The following PPP1R36 variants were observed in gnomAD, a reference collection of about 807,000 sequenced individuals.
PPP1R36 encodes the protein chromosome 14 open reading frame 50.
In PPP1R36, 47 loss-of-function variants were observed where a neutral mutation model predicts 53.4. The ratio of observed to expected loss-of-function variants is 0.88; its 90% CI spans 0.70 to 1.12. The LOEUF (loss-of-function observed/expected upper bound fraction) is 1.12. PPP1R36 is among the 50% of genes most tolerant of loss of function. The probability of loss-of-function intolerance (pLI) is 0.00; values close to 1 mark genes in which losing one functional copy is unlikely to be tolerated. For missense variants in PPP1R36, 456 were observed against 513.9 expected, an observed-to-expected ratio of 0.89 and a Z score of 1.09; for synonymous variants, 153 against 170.5, an observed-to-expected ratio of 0.90 and a Z score of 0.80.
In PPP1R36 at chr14:64,588,151, G is replaced by A. The variant is rs138901715; in HGVS notation, c.938G>A (p.Arg313His). Residue 313 changes from arginine (R) to histidine (H), a missense_variant, in exon 11 of 12, where the codon CGT becomes CAT. Arg to His is a conservative substitution (Grantham distance 29). Coordinates refer to ENST00000298705, the MANE Select transcript of PPP1R36 (RefSeq NM_172365.3). Reference sequence around the variant, plus strand: ...GCAATTAAAAAAGCTATCAACATGCGTTCTCCAGTCATGTCTACTCTGCTG... The same window carrying A: ...GCAATTAAAAAAGCTATCAACATGCATTCTCCAGTCATGTCTACTCTGCTG... ...RPAIKKAINM[R>H]SPVMSTLLPS... is the part of the protein sequence containing the mutation. The A allele has an allele frequency of 3.9e-5, 63 of 1,611,952 alleles. No homozygotes were observed. The highest frequency in any genetic ancestry group is 1.9e-4 in the African/African-American group (14 of 74,816).
intron 2 of PPP1R36, chr14:64,551,647 G>C (rs1306939821): frequency 6.6e-6 from 3 of 456,212 alleles, no homozygotes; most frequent in Non-Finnish European, 1.3e-5. Flanking sequence ...AAGAAACAAG[G>C]CTCAGGGAGA....
intron 4 of PPP1R36, 106 bp from the exon 5 acceptor site, chr14:64,565,251 T>A (rs1348328527): frequency 1.4e-6 from 1 of 700,308 alleles, no homozygotes; most frequent in African/African-American, 1.8e-5. Flanking sequence ...TGTATGACAC[T>A]CAGGCTCTTA....
At position 64,550,013 on chromosome 14, in the gene PPP1R36, G is replaced by A; in HGVS notation, c.16G>A (p.Glu6Lys). 1.3e-6 allele frequency: 2 copies of A among 1,573,492 alleles called. No homozygotes were observed. The highest frequency in any genetic ancestry group is 2.3e-5 in the South Asian group (2 of 85,596). Residue 6 changes from glutamate (E) to lysine (K), a missense_variant, in exon 1 of 12, where the codon GAG becomes AAG. Transcript: ENST00000298705. ...GGGCGAGGCCATGTACCGGGTGCCC[G>A]AGTTTTATGCGAGGAGGAAGCGGTT... MYRVP[E>K]FYARRKRLGG...
At chr14:64,569,364 A>T (rs1450333808) in intron 7 of PPP1R36, among the ~76,000 whole-genome samples, 3 of 152,260 alleles carry the variant, frequency 2.0e-5, no homozygotes, top group Non-Finnish European at 4.4e-5. Flanking sequence ...TTCAAAATGC[A>T]AAACCCTGTA....
At chr14:64,550,262 A>G in intron 1 of PPP1R36, 196 bp downstream of exon 1, 1 of 1,379,674 alleles carries the variant, frequency 7.2e-7, no homozygotes, top group Non-Finnish European at 9.3e-7. Context: ...AGATGGTCAG[A>G]ATTGAATTCT....
At chr14:64,556,637 G>T (rs1476296024) in intron 3 of PPP1R36, among the ~76,000 whole-genome samples, 2 of 143,288 alleles carry the variant, frequency 1.4e-5, no homozygotes, top group Non-Finnish European at 3.0e-5. Flanking sequence ...AGCTGGGCCT[G>T]GTGGTATGCG....
rs762797533 is a variant in PPP1R36, at chr14:64,587,288, C to T, written c.806C>T (p.Thr269Ile). 2 of 1,613,456 alleles carry T rather than the reference C, an allele frequency of 1.2e-6. No individual in the cohort carries two copies. Among genetic ancestry groups the T allele is most frequent in the South Asian group, 1.1e-5 (1 of 91,046 alleles). ...GAAGAAGTAGGGAGACTCTTTCGTA[C>T]CAATATGTTCAACATTCCTCGCAGG... ...IEEEVGRLFR[T>I]NMFNIPRRRR... The change falls in exon 10 of 12, where the codon ACC becomes ATC. Residue 269 changes from threonine (T) to isoleucine (I), a missense_variant. By Grantham distance (89) the Thr-to-Ile change is moderately conservative. Coordinates refer to ENST00000298705, the MANE Select transcript of PPP1R36 (RefSeq NM_172365.3).
intron 8 of PPP1R36, among the ~76,000 whole-genome samples, chr14:64,575,638 G>A (rs1373326559): frequency 6.7e-6 from 1 of 148,530 alleles, no homozygotes; most frequent in Non-Finnish European, 1.5e-5. Context: ...CTCTATAAAG[G>A]TTAAGACATT....
At chr14:64,552,717 G>A in intron 2 of PPP1R36, 97 bp from the exon 3 acceptor site, 1 of 859,666 alleles carries the variant, frequency 1.2e-6, no homozygotes, top group Non-Finnish European at 1.9e-6. Context: ...CATTTTATTA[G>A]AGTCAAAATC....
intron 8 of PPP1R36, chr14:64,586,214 C>T (rs953252541): frequency 6.6e-6 from 1 of 152,254 alleles, no homozygotes; most frequent in Non-Finnish European, 1.5e-5. Flanking sequence ...CTCAAGTGAT[C>T]CACGCACCTC....
chr14:64,550,789 T>G, intron 1 of PPP1R36, 132 bp from the exon 2 acceptor site: 2 of 647,056 alleles, frequency 3.1e-6, no homozygotes, highest in East Asian at 2.8e-5. Context: ...GTAGGAACCA[T>G]TGTTTTTTGT....
chr14:64,580,285 C>T (rs752169570), intron 8 of PPP1R36, among the ~76,000 whole-genome samples: 1 of 152,128 alleles, frequency 6.6e-6, no homozygotes, highest in Non-Finnish European at 1.5e-5. Context: ...AACCTGGTGA[C>T]AGAACAACAC....
intron 8 of PPP1R36, 62 bp downstream of exon 8, chr14:64,574,651 G>A: frequency 6.6e-7 from 1 of 1,517,502 alleles, no homozygotes; most frequent in South Asian, 1.3e-5. Flanking sequence ...TCCTTAAGAT[G>A]CTTCCGTTTG....
At chr14:64,589,096 C>T in intron 11 of PPP1R36, 56 bp from the exon 12 acceptor site, 1 of 1,340,878 alleles carries the variant, frequency 7.5e-7, no homozygotes, top group Non-Finnish European at 1.1e-6. Context: ...AGTCTCAACC[C>T]TGCACGTCAG....
chr14:64,566,634 G>T (rs1350533767), intron 6 of PPP1R36, among the ~76,000 whole-genome samples: 1 of 152,154 alleles, frequency 6.6e-6, no homozygotes, highest in African/African-American at 2.4e-5. Context: ...GCTATGCGTG[G>T]CTGTGCCTCA....
At chr14:64,561,189 C>T (rs951926041) in intron 3 of PPP1R36, among the ~76,000 whole-genome samples, 2 of 152,128 alleles carry the variant, frequency 1.3e-5, no homozygotes, top group Non-Finnish European at 2.9e-5. Flanking sequence ...AACTTTTATA[C>T]CCACTAGCCA....
At chr14:64,569,956 C>T (rs1011521064) in intron 7 of PPP1R36, among the ~76,000 whole-genome samples, 13 of 151,656 alleles carry the variant, frequency 8.6e-5, no homozygotes, top group Non-Finnish European at 1.8e-4. Context: ...CCAATCTGGT[C>T]TCGAACTCCT....
At chr14:64,574,656 C>G in intron 8 of PPP1R36, 67 bp downstream of exon 8, 4 of 1,502,762 alleles carry the variant, frequency 2.7e-6, no homozygotes, top group African/African-American at 1.4e-5. Context: ...AAGATGCTTC[C>G]GTTTGACTTT....
intron 3 of PPP1R36, among the ~76,000 whole-genome samples, chr14:64,558,896 A>G (rs542016943): frequency 1.6e-4 from 25 of 152,190 alleles, no homozygotes; most frequent in African/African-American, 5.1e-4. Flanking sequence ...TCGGCCTCCC[A>G]AAGTGCTGGG....
Sources: gnomAD v4.1 joint callset for allele counts (sites outside exome capture counted in the v4.1 genomes callset) on GRCh38, gnomAD v4.1.1 for gene constraint, MANE v1.5 for transcripts, NCBI Gene and HGNC (gene_info 2026-07-23, HGNC 2026-07-21) for gene names.